MSN: variants seen among roughly 807,000 people sequenced by gnomAD.
MSN encodes the protein epididymis luminal protein 70.
Under a neutral mutation model 48.0 loss-of-function variants are expected in MSN, and 2 were observed. The observed-to-expected ratio is 0.04, with a 90% CI of 0.02 to 0.13. MSN has a LOEUF of 0.13. Among genes scored for constraint, MSN ranks in the 10% least tolerant of loss-of-function variants. The pLI is 1.00. For synonymous variants in MSN, 146 were observed against 166.9 expected (o/e 0.87, Z 0.97); for missense variants, 267 against 470.1 (o/e 0.57, Z 3.99).
chrX:65,735,289 G>C lies in MSN; in HGVS notation c.818G>C (p.Arg273Pro), dbSNP rs867353730. Reference protein sequence around the residue: ...KAPDFVFYAPRLRINKRILAL... With the variant: ...KAPDFVFYAPPLRINKRILAL... ...CAGGACTTCGTCTTCTATGCTCCCC[G>C]GCTGCGGATTAACAAGCGGATCTTG... Residue 273 changes from arginine to proline, a missense_variant, in exon 8 of 13, where the codon CGG (arginine) becomes CCG (proline). Around this residue, in one of 5 missense-constraint regions of MSN, gnomAD observed 58 missense variants for 104.6 expected, o/e 0.55. Transcript: ENST00000360270. The C allele has an allele frequency of 8.3e-7, 1 of 1,209,138 alleles. No homozygotes were observed.
intron 1 of MSN, among the ~76,000 whole-genome samples, chrX:65,688,321 G>T (rs1038947744): frequency 8.9e-6 from 1 of 111,755 alleles, no homozygotes; most frequent in Non-Finnish European, 1.9e-5. Flanking sequence ...CAAGAGATCC[G>T]CCCACTTCGG....
chrX:65,648,954 G>A (rs1237512039), intron 1 of MSN, among the ~76,000 whole-genome samples: 1 of 110,006 alleles, frequency 9.1e-6, no homozygotes, highest in Admixed American at 9.7e-5. Flanking sequence ...GAAATGAGAG[G>A]TAAGGCCTGG....
At chrX:65,727,501 T>C (rs2071579120) in intron 2 of MSN, among the ~76,000 whole-genome samples, 1 of 112,046 alleles carries the variant, frequency 8.9e-6, no homozygotes, top group South Asian at 3.7e-4. Context: ...ATTTTTGATA[T>C]CTATAAAATG....
intron 1 of MSN, among the ~76,000 whole-genome samples, chrX:65,690,751 T>A (rs1232812869): frequency 9.0e-6 from 1 of 111,527 alleles, no homozygotes; most frequent in Non-Finnish European, 1.9e-5. Flanking sequence ...CTGCTTCAGC[T>A]GGATGGCCTT....
chrX:65,683,894 C>T (rs1290628771), intron 1 of MSN, among the ~76,000 whole-genome samples: 1 of 110,975 alleles, frequency 9.0e-6, no homozygotes, highest in Non-Finnish European at 1.9e-5. Context: ...CCATCATTAA[C>T]CAGTTAGTTA....
chrX:65,658,762 T>C (rs1461431393), intron 1 of MSN, among the ~76,000 whole-genome samples: 1 of 111,912 alleles, frequency 8.9e-6, no homozygotes, highest in African/African-American at 3.2e-5. Flanking sequence ...AAAAGTCCAA[T>C]TTCATTTCTC....
chrX:65,717,983 CAG>C (rs2071482926), intron 2 of MSN, among the ~76,000 whole-genome samples: 1 of 111,486 alleles, frequency 9.0e-6, no homozygotes, highest in African/African-American at 3.3e-5. Context: ...AGAATGGAGA[CAG>C]GGGTAGGAGA....
chrX:65,604,107 A>G (rs1031132027), intron 1 of MSN, among the ~76,000 whole-genome samples: 1 of 112,575 alleles, frequency 8.9e-6, no homozygotes, highest in African/African-American at 3.2e-5. Context: ...CCCATTTTGC[A>G]GGTAAGGGAA....
chrX:65,636,965 A>G (rs1171563258), intron 1 of MSN, among the ~76,000 whole-genome samples: 1 of 102,722 alleles, frequency 9.7e-6, no homozygotes, highest in Non-Finnish European at 2.0e-5. Context: ...GGTGGTGGGC[A>G]CCTGTAGTCC....
At chrX:65,599,242 C>T (rs1352491386) in intron 1 of MSN, among the ~76,000 whole-genome samples, 1 of 111,059 alleles carries the variant, frequency 9.0e-6, no homozygotes, top group African/African-American at 3.3e-5. Context: ...TTGCAGTGAG[C>T]CGGGATTGCA....
At chrX:65,728,536 G>A (rs764485097) in intron 3 of MSN, among the ~76,000 whole-genome samples, 12 of 110,271 alleles carry the variant, frequency 1.1e-4, no homozygotes, top group Non-Finnish European at 2.3e-4. Context: ...CTTGTGATCC[G>A]CCCGCCTCGG....
At chrX:65,596,904 T>C (rs1424479697) in intron 1 of MSN, among the ~76,000 whole-genome samples, 2 of 111,710 alleles carry the variant, frequency 1.8e-5, no homozygotes, top group Non-Finnish European at 3.8e-5. Context: ...TGGGCTTTCA[T>C]TGGAGACAAA....
intron 1 of MSN, among the ~76,000 whole-genome samples, chrX:65,612,607 C>T (rs2070330040): frequency 9.2e-6 from 1 of 108,568 alleles, no homozygotes; most frequent in Admixed American, 1.0e-4. Context: ...GTCACCCAAG[C>T]TGGAGTGCAG....
intron 2 of MSN, among the ~76,000 whole-genome samples, chrX:65,722,607 T>TG (rs1228735500): frequency 9.1e-6 from 1 of 110,121 alleles, no homozygotes; most frequent in African/African-American, 3.3e-5. Context: ...TTAGTAGAGA[T>TG]GGGGTCTCAC....
chrX:65,618,380 T>C (rs1219612894), intron 1 of MSN, among the ~76,000 whole-genome samples: 1 of 111,654 alleles, frequency 9.0e-6, no homozygotes, highest in Non-Finnish European at 1.9e-5. Context: ...GCTTTATGAA[T>C]CTTGGTGCTC....
chrX:65,663,874 T>C (rs747439967), upstream of MSN, among the ~76,000 whole-genome samples: 1 of 109,570 alleles, frequency 9.1e-6, no homozygotes, highest in Non-Finnish European at 1.9e-5. Context: ...CTGGCTAGCA[T>C]GGTGAAACCC....
At chrX:65,708,325 C>G (rs2071382043) in intron 1 of MSN, among the ~76,000 whole-genome samples, 1 of 112,401 alleles carries the variant, frequency 8.9e-6, no homozygotes, top group South Asian at 3.6e-4. Context: ...CAGGGTCTCA[C>G]TATGTTGCCC....
chrX:65,597,102 T>C (rs1471492463), intron 1 of MSN, among the ~76,000 whole-genome samples: 1 of 111,781 alleles, frequency 8.9e-6, no homozygotes, highest in African/African-American at 3.3e-5. Flanking sequence ...CAGGCTACAG[T>C]GCAGAACTTG....
intron 1 of MSN, among the ~76,000 whole-genome samples, chrX:65,698,166 TG>T (rs779798906): frequency 1.8e-5 from 2 of 111,650 alleles, no homozygotes; most frequent in Non-Finnish European, 3.8e-5. Context: ...CTTGCCTTCT[TG>T]GCTTTGAGAG....
Sources: gnomAD v4.1 joint callset for allele counts (sites outside exome capture counted in the v4.1 genomes callset) on GRCh38, gnomAD v4.1.1 for gene constraint, gnomAD v4.1.1 regional missense constraint, MANE v1.5 for transcripts, NCBI Gene and HGNC (gene_info 2026-07-23, HGNC 2026-07-21) for gene names.